Variants in SLC1A1 observed in about 807,000 individuals in gnomAD.
SLC1A1 encodes solute carrier family 1 member 1.
In SLC1A1, 43 loss-of-function variants were observed where a neutral mutation model predicts 53.3. The ratio of observed to expected loss-of-function variants is 0.81; its 90% CI spans 0.63 to 1.04. SLC1A1 has a LOEUF of 1.04. Ranked by LOEUF, SLC1A1 falls within the 50% of genes least tolerant of loss-of-function variation. The pLI, the probability that SLC1A1 is intolerant of heterozygous loss-of-function variation, is 0.00. For missense variants in SLC1A1, 748 were observed against 664.9 expected (o/e 1.12, Z -1.37); for synonymous variants, 307 against 243.2 (o/e 1.26, Z -2.44).
chr9:4,527,818 C>T (rs1409961833), intron 1 of SLC1A1, among the ~76,000 whole-genome samples: 2 of 151,980 alleles, frequency 1.3e-5, no homozygotes, highest in East Asian at 1.9e-4. Context: ...GGGTATCTGT[C>T]ATGGCAAAGT....
In SLC1A1 at chr9:4,517,214, C is replaced by T. The variant is rs148417676; in HGVS notation, c.91+26444C>T. Among the ~76,000 whole-genome samples the T allele has an allele frequency of 7.3e-3, 1,105 of 152,312 alleles. 17 individuals are homozygous for T. Among genetic ancestry groups the T allele is most frequent in the African/African-American group, 0.025 (1,046 of 41,570 alleles). The stretch of plus-strand genomic sequence containing the variant: ...ACTCTCCACCGTCCTCAATAGTCCC[C>T]GCCTAGTGAATTCCTTCTCACTCTC... On this transcript the variant is annotated intron_variant, in intron 1 of 11. Coordinates refer to ENST00000262352, the MANE Select transcript of SLC1A1 (RefSeq NM_004170.6).
chr9:4,501,507 G>A (rs1290935753), intron 1 of SLC1A1, among the ~76,000 whole-genome samples: 10 of 151,694 alleles, frequency 6.6e-5, no homozygotes, highest in Non-Finnish European at 2.9e-5. Flanking sequence ...GCTCACGCCT[G>A]TAATCCCAGA....
At chr9:4,551,597 G>A (rs137880527) in intron 2 of SLC1A1, among the ~76,000 whole-genome samples, 3 of 152,354 alleles carry the variant, frequency 2.0e-5, no homozygotes, top group East Asian at 3.9e-4. Context: ...CGAGGGAGGA[G>A]TATGCATTCT....
At chr9:4,495,942 G>T (rs1226531371) in intron 1 of SLC1A1, among the ~76,000 whole-genome samples, 1 of 152,132 alleles carries the variant, frequency 6.6e-6, no homozygotes, top group South Asian at 2.1e-4. Context: ...TTGAGTTTGA[G>T]GAGCCAGAAG....
At position 4,538,888 on chromosome 9, in the gene SLC1A1, C is replaced by G. The variant is rs143754020; in HGVS notation, c.92-5679C>G. Among the ~76,000 whole-genome samples the G allele has an allele frequency of 4.6e-5, 7 of 152,294 alleles. No homozygotes were observed. In the East Asian group the frequency reaches 1.2e-3, roughly 25 times the overall value. On this transcript the variant is annotated intron_variant, in intron 1 of 11. Transcript: ENST00000262352. ...ATGTAGTCATTTGTCAGTAAGTGTT[C>G]TTCTAAACTTATTTACTCATCATCA...
At position 4,583,238 on chromosome 9, in the gene SLC1A1, T is replaced by G; in HGVS notation, c.1328+66T>G. ...GCGGGCTTCCCAGCCTCGCAGGCGC[T>G]GCAGTCTGTCATCATTCTCTCCTCA... On this transcript the variant is annotated intron_variant, in intron 11 of 11. Coordinates refer to ENST00000262352, the MANE Select transcript of SLC1A1 (RefSeq NM_004170.6). This position sits in a 1 kb window ranked among gnomAD's most constrained non-coding sequence, Gnocchi z 4.6. The G allele has an allele frequency of 1.9e-6, 3 of 1,599,230 alleles. No individual in the cohort carries two copies. The highest frequency in any genetic ancestry group is 1.7e-6 in the Non-Finnish European group (2 of 1,167,110).
At chr9:4,526,539 A>T (rs892772671) in intron 1 of SLC1A1, among the ~76,000 whole-genome samples, 2 of 152,170 alleles carry the variant, frequency 1.3e-5, no homozygotes, top group Non-Finnish European at 1.5e-5. Context: ...GGAGGATGCA[A>T]TGGACCCTCA....
At chr9:4,502,774 A>G (rs1169195045) in intron 1 of SLC1A1, among the ~76,000 whole-genome samples, 5 of 151,832 alleles carry the variant, frequency 3.3e-5, no homozygotes, top group South Asian at 2.1e-4. Flanking sequence ...AGTTAGAACC[A>G]TACTTGGAGA....
At chr9:4,580,605 G>GTC (rs1184831066) in intron 10 of SLC1A1, among the ~76,000 whole-genome samples, 36 of 81,034 alleles carry the variant, frequency 4.4e-4, no homozygotes, top group African/African-American at 1.7e-3. Flanking sequence ...ATATATATGT[G>GTC]TGTGTGTGTG....
rs1820306100 is a variant in SLC1A1, at chr9:4,573,911, A to G, written c.772A>G (p.Met258Val). The G allele has an allele frequency of 6.2e-7, 1 of 1,603,514 alleles. No individual in the cohort carries two copies. Among genetic ancestry groups the G allele is most frequent in the Non-Finnish European group, 8.5e-7 (1 of 1,170,324 alleles). ...TCTGTTGTGCTTCCTTTCCAGTTAT[A>G]TGCCACTAGGTATTTTGTTCCTGAT... ...MKIVQIIMCY[M>V]PLGILFLIAG... The change falls in exon 8 of 12, where the codon ATG becomes GTG. Residue 258 changes from methionine to valine, a missense_variant. Physicochemically the swap from Met to Val is conservative, Grantham distance 21. Transcript: ENST00000262352.
chr9:4,552,494 G>A (rs1329728873), intron 2 of SLC1A1, among the ~76,000 whole-genome samples: 2 of 152,108 alleles, frequency 1.3e-5, no homozygotes, highest in Non-Finnish European at 2.9e-5. Flanking sequence ...AAGAGGAATG[G>A]GATGGAAAGG....
rs751387861 is a variant in SLC1A1 at position 4,561,473 on chromosome 9, T to C, written c.257T>C (p.Val86Ala). ...ITGVAALDSN[V>A]SGKIGLRAVV... Reference sequence around the variant, plus strand: ...GGTGTTGCTGCACTGGATTCCAACGTATCCGGAAAAATTGGTCTGCGCGCT... The same window carrying C: ...GGTGTTGCTGCACTGGATTCCAACGCATCCGGAAAAATTGGTCTGCGCGCT... Residue 86 changes from valine (V) to alanine (A), a missense_variant, in exon 3 of 12, where the codon GTA becomes GCA. Physicochemically the swap from Val to Ala is moderately conservative, Grantham distance 64. Transcript: ENST00000262352. 4 of 1,609,032 alleles carry C rather than the reference T, an allele frequency of 2.5e-6. No individual in the cohort carries two copies. In the South Asian group the frequency reaches 3.3e-5, roughly 13 times the overall value.
chr9:4,511,175 T>C (rs1372412760), intron 1 of SLC1A1, among the ~76,000 whole-genome samples: 2 of 152,218 alleles, frequency 1.3e-5, no homozygotes, highest in Non-Finnish European at 2.9e-5. Context: ...TTCTGGCTGC[T>C]GTAACAACAT....
In SLC1A1 at chr9:4,539,987, C is replaced by T. The variant is rs551153114; in HGVS notation, c.92-4580C>T. 2.8e-4 allele frequency among the ~76,000 whole-genome samples: 42 copies of T among 152,300 alleles called. No homozygotes were observed. The South Asian group carries it at 8.7e-3, about 32-fold the overall frequency. ...AAGGGCCTCACTCTGAAGCCTGGAC[C>T]CATGGCCCAAAGTGAGAACATACAT... On this transcript the variant is annotated intron_variant, in intron 1 of 11. Transcript: ENST00000262352.
intron 1 of SLC1A1, among the ~76,000 whole-genome samples, chr9:4,513,922 G>T (rs1483215174): frequency 1.3e-5 from 2 of 152,126 alleles, no homozygotes; most frequent in African/African-American, 4.8e-5. Flanking sequence ...ATTATAGTCA[G>T]TGAAAAAACC....
intron 1 of SLC1A1, among the ~76,000 whole-genome samples, chr9:4,538,725 C>A (rs535797233): frequency 1.3e-5 from 2 of 152,114 alleles, no homozygotes; most frequent in South Asian, 4.2e-4. Context: ...TGCTTTGAGC[C>A]GGAATTCCCG....
At chr9:4,506,569 G>GAAA (rs368321633) in intron 1 of SLC1A1, among the ~76,000 whole-genome samples, 167 of 147,866 alleles carry the variant, frequency 1.1e-3, no homozygotes, top group African/African-American at 2.8e-3. Flanking sequence ...TATTTATTTT[G>GAAA]AAAAAAAAAA....
In SLC1A1 at chr9:4,583,043, C is replaced by A. The variant is rs374759499; in HGVS notation, c.1199C>A (p.Thr400Lys). The A allele has an allele frequency of 1.5e-5, 24 of 1,614,250 alleles. No homozygotes were observed. The highest frequency in any genetic ancestry group is 2.0e-5 in the Non-Finnish European group (24 of 1,180,040). The part of the protein sequence containing the change: ...GIGQIITISI[T>K]ATSASIGAAG... Reference sequence around the variant, plus strand: ...CTGCTGGTATGTTTCTGCAGTATCACGGCCACATCTGCCAGCATCGGAGCT... The same window carrying A: ...CTGCTGGTATGTTTCTGCAGTATCAAGGCCACATCTGCCAGCATCGGAGCT... Residue 400 changes from threonine (T) to lysine (K), a missense_variant, in exon 11 of 12, where the codon ACG becomes AAG. Transcript: ENST00000262352. This position sits in a 1 kb window ranked among gnomAD's most constrained non-coding sequence, Gnocchi z 4.6.
At chr9:4,547,420 A>C (rs1391459718) in intron 2 of SLC1A1, among the ~76,000 whole-genome samples, 1 of 152,248 alleles carries the variant, frequency 6.6e-6, no homozygotes, top group Non-Finnish European at 1.5e-5. Context: ...GATTTGGAGC[A>C]ATGAAATAGT....
Sources: gnomAD v4.1 joint callset for allele counts (sites outside exome capture counted in the v4.1 genomes callset) on GRCh38, gnomAD v4.1.1 for gene constraint, Gnocchi (gnomAD v3.1) non-coding constraint, MANE v1.5 for transcripts, NCBI Gene and HGNC (gene_info 2026-07-23, HGNC 2026-07-21) for gene names.